Variants in DDHD1 observed in about 807,000 individuals in gnomAD.
DDHD1 encodes the protein DDHD domain containing 1, also known as phospholipase DDHD1.
DDHD1 carries 49 observed loss-of-function variants against 96.4 expected under a neutral mutation model. The observed-to-expected ratio is 0.51, with a 90% confidence interval of 0.40 to 0.64. The LOEUF is 0.64. Among genes scored for constraint, DDHD1 ranks in the 30% least tolerant of loss-of-function variants. The pLI is 0.00. For missense variants in DDHD1, 1,106 were observed against 1,161.2 expected (o/e 0.95, Z 0.69); for synonymous variants, 442 against 446.5 (o/e 0.99, Z 0.13).
chr14:53,052,444 C>G (rs1402905839), intron 11 of DDHD1: 1 of 152,052 alleles, frequency 6.6e-6, no homozygotes, highest in South Asian at 2.1e-4. Flanking sequence ...AGAACTGAGG[C>G]AATTAATGTA....
rs1595144367 is a variant in DDHD1, at chr14:53,084,273, G to A, written c.1289+7512C>T. ...AGAGCAGATAAAACTGGATTTTGAT[G>A]ACTTGCTTGGCAATATGACTCCTAG... On this transcript the variant is annotated intron_variant, in intron 4 of 12. Coordinates refer to ENST00000673822, the MANE Select transcript of DDHD1 (RefSeq NM_001160148.2). Among the ~76,000 whole-genome samples, 2 of 152,152 alleles carry A rather than the reference G, an allele frequency of 1.3e-5. 1 individual carries two copies. Among genetic ancestry groups the A allele is most frequent in the South Asian group, 4.1e-4 (2 of 4,820 alleles).
chr14:53,068,247 T>TTTTTTC (rs1884212691), intron 6 of DDHD1, among the ~76,000 whole-genome samples: 1 of 143,320 alleles, frequency 7.0e-6, no homozygotes, highest in Admixed American at 7.0e-5. Context: ...ATGATACTTT[T>TTTTTTC]TTTTTTTTTT....
chr14:53,096,953 A>C (rs540115735), intron 2 of DDHD1, among the ~76,000 whole-genome samples: 1 of 152,034 alleles, frequency 6.6e-6, no homozygotes, highest in Non-Finnish European at 1.5e-5. Context: ...CACAGACTTG[A>C]TATTTGGCAA....
chr14:53,094,045 C>T (rs994973842), intron 2 of DDHD1, among the ~76,000 whole-genome samples: 3 of 151,974 alleles, frequency 2.0e-5, no homozygotes, highest in African/African-American at 7.2e-5. Flanking sequence ...GGTGTGGTGG[C>T]GGGCGCCTGT....
chr14:53,071,078 G>A (rs920177560), intron 6 of DDHD1, among the ~76,000 whole-genome samples: 2 of 152,080 alleles, frequency 1.3e-5, no homozygotes, highest in Non-Finnish European at 2.9e-5. Context: ...TGTGCCACAT[G>A]TTAATATAAG....
At chr14:53,129,576 T>C (rs1889711616) in intron 1 of DDHD1, among the ~76,000 whole-genome samples, 1 of 152,180 alleles carries the variant, frequency 6.6e-6, no homozygotes, top group African/African-American at 2.4e-5. Context: ...ATGCCTGCCT[T>C]GAACCTTCAC....
intron 1 of DDHD1, among the ~76,000 whole-genome samples, chr14:53,129,412 G>T (rs1889697233): frequency 6.6e-6 from 1 of 152,180 alleles, no homozygotes; most frequent in Non-Finnish European, 1.5e-5. Context: ...TTCCCTTTCT[G>T]GTAGAGACAG....
intron 6 of DDHD1, among the ~76,000 whole-genome samples, chr14:53,067,035 G>A (rs745942917): frequency 6.6e-6 from 1 of 151,266 alleles, no homozygotes; most frequent in Admixed American, 6.6e-5. Context: ...CTTAAGCAGT[G>A]TTTTCCCAGA....
At chr14:53,146,154 T>C (rs1890963733) in intron 1 of DDHD1, among the ~76,000 whole-genome samples, 1 of 151,426 alleles carries the variant, frequency 6.6e-6, no homozygotes, top group East Asian at 2.0e-4. Flanking sequence ...TGCAGTGAGC[T>C]GAGATCACGC....
At chr14:53,088,784 C>T (rs1595153924) in intron 4 of DDHD1, among the ~76,000 whole-genome samples, 1 of 152,276 alleles carries the variant, frequency 6.6e-6, no homozygotes, top group East Asian at 1.9e-4. Flanking sequence ...CCTCTCTCAC[C>T]ACTCCTATTC....
intron 4 of DDHD1, among the ~76,000 whole-genome samples, chr14:53,083,306 A>G: frequency 6.6e-6 from 1 of 152,194 alleles, no homozygotes; most frequent in East Asian, 1.9e-4. Flanking sequence ...GTCTTCTAAG[A>G]TTATAGCTTT....
At chr14:53,057,250 T>A (rs1883132064) in intron 9 of DDHD1, among the ~76,000 whole-genome samples, 1 of 152,220 alleles carries the variant, frequency 6.6e-6, no homozygotes, top group Admixed American at 6.5e-5. Flanking sequence ...TATATGAAGC[T>A]ATTTTTTCAG....
chr14:53,151,884 A>C (rs1358795344), intron 1 of DDHD1, among the ~76,000 whole-genome samples: 2 of 152,180 alleles, frequency 1.3e-5, no homozygotes, highest in Non-Finnish European at 2.9e-5. Context: ...CCGCTATTTA[A>C]ATCATAGGCT....
intron 12 of DDHD1, 148 bp downstream of exon 12, chr14:53,051,696 G>T: frequency 1.6e-6 from 1 of 614,390 alleles, no homozygotes; most frequent in Non-Finnish European, 2.7e-6. Flanking sequence ...AGAAAATATG[G>T]GATGAAAATA....
At position 53,054,157 on chromosome 14, in the gene DDHD1, C is replaced by A. The variant is rs916138731; in HGVS notation, c.2437+281G>T. The A allele has an allele frequency of 1.3e-5, 4 of 314,842 alleles. No individual in the cohort carries two copies. The Admixed American group carries it at 1.8e-4, about 14-fold the overall frequency. The allele number at this position is 314,842 out of a possible 1,614,324, so 19.5% of individuals were successfully genotyped here. On this transcript the variant is annotated intron_variant, in intron 11 of 12. Transcript: ENST00000673822. ...CTTTATAAACTTCAGGGGGTACTTA[C>A]CCTAAAGAGATTTGTTTTATGCTTG...
intron 9 of DDHD1, among the ~76,000 whole-genome samples, chr14:53,056,693 G>A (rs187873496): frequency 6.6e-6 from 1 of 152,172 alleles, no homozygotes; most frequent in African/African-American, 2.4e-5. Context: ...CTCTCTTACA[G>A]AGATGTGAGA....
intron 10 of DDHD1, among the ~76,000 whole-genome samples, chr14:53,055,067 G>A (rs1203016658): frequency 6.6e-6 from 1 of 152,186 alleles, no homozygotes; most frequent in East Asian, 1.9e-4. Context: ...AATGAGTCCA[G>A]GAGATAAAGC....
In DDHD1 at chr14:53,037,075, T is replaced by C. The variant is rs4898777; in HGVS notation, c.*9693A>G. ...TTGCTTAGATTATGGCTTCCAGCTG[T>C]ATCCATGTGGCTGGCTGCAAAGGAC... On this transcript the variant is annotated 3_prime_UTR_variant, in exon 13 of 13. Coordinates refer to ENST00000673822, the MANE Select transcript of DDHD1 (RefSeq NM_001160148.2). 0.86 allele frequency: 131,538 copies of C among 152,112 alleles called. 56,962 individuals carry two copies. Among genetic ancestry groups the C allele is most frequent in the East Asian group, 0.98 (5,071 of 5,166 alleles). 9.4% of individuals were successfully genotyped at this position (152,112 alleles called of 1,614,324 possible). A position where few individuals can be genotyped will look rare whatever the true frequency, so the allele number is the denominator to read the frequency against.
intron 7 of DDHD1, among the ~76,000 whole-genome samples, chr14:53,062,058 AT>A (rs1566527468): frequency 1.5e-4 from 22 of 150,238 alleles, no homozygotes; most frequent in African/African-American, 2.7e-4. Flanking sequence ...AAAAAAAAAA[AT>A]TTGTTATTTT....
Sources: allele counts gnomAD v4.1 joint callset (sites outside exome capture counted in the v4.1 genomes callset), GRCh38; gene constraint gnomAD v4.1.1; transcripts MANE v1.5; gene names NCBI Gene and HGNC (gene_info 2026-07-23, HGNC 2026-07-21).